Variants in CTNNA2 observed in about 807,000 individuals in gnomAD.
CTNNA2 encodes catenin alpha-2.
CTNNA2 carries 42 observed loss-of-function variants against 101.0 expected under a neutral mutation model. The observed-to-expected ratio is 0.42, with a 90% CI of 0.32 to 0.54. The LOEUF (loss-of-function observed/expected upper bound fraction) is 0.54. CTNNA2 is among the 20% of genes least tolerant of loss of function. The probability of loss-of-function intolerance (pLI) is 0.14; values close to 1 mark genes in which losing one functional copy is unlikely to be tolerated. For missense variants in CTNNA2, 871 were observed against 1,223.1 expected, an observed-to-expected ratio of 0.71 and a Z score of 4.29; for synonymous variants, 450 against 456.4, an observed-to-expected ratio of 0.99 and a Z score of 0.18.
chr2:79,633,394 T>A (rs1029970150), intron 1 of CTNNA2, among the ~76,000 whole-genome samples: 2 of 152,196 alleles, frequency 1.3e-5, no homozygotes, highest in African/African-American at 4.8e-5. Flanking sequence ...ACATCTTGTT[T>A]GGCTGCATCT....
At chr2:79,429,096 C>T (rs2104508625) in intron 4 of CTNNA2, among the ~76,000 whole-genome samples, 1 of 152,198 alleles carries the variant, frequency 6.6e-6, no homozygotes, top group South Asian at 2.1e-4. Context: ...ATTTATTCTA[C>T]CTACAATAGA....
chr2:80,637,819 A>G (rs1391078423), intron 18 of CTNNA2, among the ~76,000 whole-genome samples: 1 of 152,106 alleles, frequency 6.6e-6, no homozygotes, highest in Non-Finnish European at 1.5e-5. Flanking sequence ...ATAGTACTCC[A>G]CCAACCTGCA....
At chr2:80,528,002 A>G (rs1481703745) in intron 9 of CTNNA2, among the ~76,000 whole-genome samples, 2 of 152,208 alleles carry the variant, frequency 1.3e-5, no homozygotes, top group African/African-American at 4.8e-5. Context: ...AAATTTATGA[A>G]TAACAGAAAT....
intron 13 of CTNNA2, among the ~76,000 whole-genome samples, chr2:80,575,697 CAT>C (rs1362385634): frequency 1.3e-5 from 2 of 152,090 alleles, no homozygotes; most frequent in South Asian, 2.1e-4. Context: ...CTGGCCTTCA[CAT>C]GTTTGTCACA....
intron 7 of CTNNA2, among the ~76,000 whole-genome samples, chr2:80,101,577 G>T (rs1425206119): frequency 6.6e-6 from 1 of 152,130 alleles, no homozygotes; most frequent in Non-Finnish European, 1.5e-5. Flanking sequence ...GCGAAAGGAA[G>T]AATCATTGAA....
At chr2:79,452,233 A>C (rs552254874) in intron 4 of CTNNA2, among the ~76,000 whole-genome samples, 1 of 152,080 alleles carries the variant, frequency 6.6e-6, no homozygotes, top group African/African-American at 2.4e-5. Flanking sequence ...TTGAGACACA[A>C]GTTTCACATC....
At chr2:80,271,679 C>T (rs1673502712) in intron 7 of CTNNA2, among the ~76,000 whole-genome samples, 1 of 152,146 alleles carries the variant, frequency 6.6e-6, no homozygotes, top group Non-Finnish European at 1.5e-5. Flanking sequence ...GCCTCGGCCT[C>T]CCAAAGTGCT....
intron 11 of CTNNA2, among the ~76,000 whole-genome samples, chr2:80,554,381 A>C (rs528211297): frequency 2.5e-4 from 38 of 152,204 alleles, no homozygotes; most frequent in Non-Finnish European, 4.7e-4. Context: ...AAGACTTTAA[A>C]AATATATTTA....
chr2:79,441,247 A>G (rs1558667302), intron 4 of CTNNA2, among the ~76,000 whole-genome samples: 1 of 152,236 alleles, frequency 6.6e-6, no homozygotes, highest in Non-Finnish European at 1.5e-5. Flanking sequence ...CCTTTCAACT[A>G]TAACTTATGT....
chr2:79,545,414 G>C (rs1035913755), intron 1 of CTNNA2, among the ~76,000 whole-genome samples: 2 of 152,116 alleles, frequency 1.3e-5, no homozygotes, highest in Non-Finnish European at 2.9e-5. Flanking sequence ...GCCCACATCC[G>C]TGATATGGAG....
chr2:80,502,216 A>G (rs1223753725), intron 9 of CTNNA2, among the ~76,000 whole-genome samples: 1 of 152,222 alleles, frequency 6.6e-6, no homozygotes, highest in African/African-American at 2.4e-5. Context: ...CTTTTTCACC[A>G]TAAGTCATTT....
chr2:80,330,185 C>T (rs138029337), intron 7 of CTNNA2, among the ~76,000 whole-genome samples: 1 of 152,228 alleles, frequency 6.6e-6, no homozygotes, highest in South Asian at 2.1e-4. Context: ...CATTGTGGAG[C>T]TATCTTGTGC....
Position 80,099,798 on chromosome 2 carries a change from A to T in CTNNA2, c.1056+190001A>T, listed in dbSNP as rs78656562. Among the ~76,000 whole-genome samples the T allele has an allele frequency of 2.9e-3, 446 of 152,234 alleles. 2 individuals are homozygous for T. Among genetic ancestry groups the T allele is most frequent in the African/African-American group, 0.01 (416 of 41,542 alleles). On this transcript the variant is annotated intron_variant, in intron 7 of 18. Transcript: ENST00000402739. ...TTTATCAAACTGTGATCTGGAGACA[A>T]CCTGCTACAGATTCACGGGGTGGAG...
intron 7 of CTNNA2, among the ~76,000 whole-genome samples, chr2:80,244,464 G>A (rs940926664): frequency 2.6e-5 from 4 of 152,310 alleles, no homozygotes; most frequent in Non-Finnish European, 5.9e-5. Context: ...CTAGTCAAGC[G>A]TTTTGTTCAT....
chr2:79,554,421 A>G (rs1481605499), intron 1 of CTNNA2, among the ~76,000 whole-genome samples: 3 of 152,148 alleles, frequency 2.0e-5, no homozygotes, highest in Non-Finnish European at 2.9e-5. Context: ...ATGAGAGGAC[A>G]TATGCTATAT....
At chr2:79,215,070 G>A (rs188370706) in intron 2 of CTNNA2, among the ~76,000 whole-genome samples, 2,870 of 152,266 alleles carry the variant, frequency 0.019, 43 homozygotes, top group Non-Finnish European at 0.029. Context: ...ATCGGGCAGC[G>A]TCAGTCTTCA....
In CTNNA2 at chr2:79,536,086, G is replaced by T. The variant is rs79670359; in HGVS notation, c.-6+22879G>T. ...GGGTCACAGCAGGGAAGAAGATTCG[G>T]TCAAGGTAATGAGGCACTGATTGGG... On this transcript the variant is annotated intron_variant, in intron 1 of 18. Transcript: ENST00000402739. Among the ~76,000 whole-genome samples the T allele has an allele frequency of 1.0e-2, 1,522 of 152,272 alleles. 27 individuals are homozygous for T. The highest frequency in any genetic ancestry group is 0.049 in the East Asian group (252 of 5,172).
intron 7 of CTNNA2, among the ~76,000 whole-genome samples, chr2:80,368,020 G>T (rs928158793): frequency 5.3e-5 from 8 of 152,080 alleles, no homozygotes. Context: ...ATAAATGCAT[G>T]CAAAAAATGA....
rs149925986 is a variant in CTNNA2, at chr2:79,910,061, A to G, written c.1056+264A>G. On this transcript the variant is annotated intron_variant, in intron 7 of 18. Transcript: ENST00000402739. ...TTACTTGGCTGATTTCTTCTCGGTCATTTTAGTGGCTGCATTTTGAAGTAG... is the reference window on the plus strand; with the variant it reads ...TTACTTGGCTGATTTCTTCTCGGTCGTTTTAGTGGCTGCATTTTGAAGTAG... Among the ~76,000 whole-genome samples the G allele has an allele frequency of 4.8e-3, 731 of 152,254 alleles. 10 individuals are homozygous for G. Among genetic ancestry groups the G allele is most frequent in the Admixed American group, 0.021 (320 of 15,292 alleles).
Sources: allele counts gnomAD v4.1 joint callset (sites outside exome capture counted in the v4.1 genomes callset), GRCh38; gene constraint gnomAD v4.1.1; transcripts MANE v1.5; gene names NCBI Gene and HGNC (gene_info 2026-07-23, HGNC 2026-07-21).